EMCN: variants seen among roughly 807,000 people sequenced by gnomAD.
EMCN encodes endomucin.
In EMCN, 37 loss-of-function variants were observed where a neutral mutation model predicts 38.4. The ratio of observed to expected loss-of-function variants is 0.96; its 90% CI spans 0.74 to 1.27. The LOEUF (loss-of-function observed/expected upper bound fraction) is 1.27. EMCN is among the 50% of genes most tolerant of loss of function. EMCN has a pLI of 0.00. For synonymous variants in EMCN, 95 were observed against 100.8 expected (o/e 0.94, Z 0.35); for missense variants, 318 against 302.8 (o/e 1.05, Z -0.37).
At chr4:100,407,841 C>G (rs906956075) in intron 11 of EMCN, among the ~76,000 whole-genome samples, 1 of 152,156 alleles carries the variant, frequency 6.6e-6, no homozygotes, top group Non-Finnish European at 1.5e-5. Context: ...TGCTTTCTTT[C>G]CCTGTCTTTC....
intron 7 of EMCN, among the ~76,000 whole-genome samples, chr4:100,422,438 G>A (rs189419768): frequency 6.6e-6 from 1 of 152,008 alleles, no homozygotes; most frequent in African/African-American, 2.4e-5. Flanking sequence ...AATTACTAAG[G>A]AAGTTATTTA....
At chr4:100,432,469 C>T (rs1202677490) in intron 5 of EMCN, among the ~76,000 whole-genome samples, 1 of 152,030 alleles carries the variant, frequency 6.6e-6, no homozygotes, top group Non-Finnish European at 1.5e-5. Context: ...TGGCAGGTTC[C>T]ATGTATCATT....
intron 1 of EMCN, among the ~76,000 whole-genome samples, chr4:100,501,797 C>T (rs1179947394): frequency 6.6e-6 from 1 of 150,670 alleles, no homozygotes; most frequent in African/African-American, 2.4e-5. Context: ...AATAGAAATA[C>T]AATTGATTTC....
intron 4 of EMCN, among the ~76,000 whole-genome samples, chr4:100,453,812 C>G (rs946568493): frequency 2.6e-5 from 4 of 152,048 alleles, no homozygotes; most frequent in African/African-American, 9.7e-5. Flanking sequence ...GAAAATGTGG[C>G]ACATATACAC....
chr4:100,502,467 C>A (rs1157732658), intron 1 of EMCN, among the ~76,000 whole-genome samples: 2 of 152,150 alleles, frequency 1.3e-5, no homozygotes, highest in African/African-American at 2.4e-5. Context: ...ACCAAGAAAT[C>A]TTTTATGCTC....
intron 3 of EMCN, among the ~76,000 whole-genome samples, chr4:100,467,067 C>A (rs905157192): frequency 2.0e-5 from 3 of 151,978 alleles, no homozygotes; most frequent in African/African-American, 4.8e-5. Flanking sequence ...AATGGAATAG[C>A]TGGGAATGCA....
intron 4 of EMCN, among the ~76,000 whole-genome samples, chr4:100,456,351 TC>T (rs1422982964): frequency 1.3e-5 from 2 of 152,204 alleles, no homozygotes; most frequent in Non-Finnish European, 2.9e-5. Context: ...TTTATTGTTT[TC>T]TTCCTTCAAC....
At chr4:100,462,435 T>C (rs1728205842) in intron 4 of EMCN, among the ~76,000 whole-genome samples, 1 of 152,158 alleles carries the variant, frequency 6.6e-6, no homozygotes, top group Non-Finnish European at 1.5e-5. Flanking sequence ...TTCTGAAATG[T>C]ATGTAATAGG....
chr4:100,492,823 G>A (rs1042573901), intron 1 of EMCN, among the ~76,000 whole-genome samples: 1 of 152,150 alleles, frequency 6.6e-6, no homozygotes, highest in Non-Finnish European at 1.5e-5. Flanking sequence ...AAGGGGTGGT[G>A]TAGTGTAGGG....
At chr4:100,430,546 G>A (rs942339340) in intron 5 of EMCN, among the ~76,000 whole-genome samples, 6 of 152,132 alleles carry the variant, frequency 3.9e-5, no homozygotes, top group South Asian at 4.1e-4. Flanking sequence ...AAAGCGTGTC[G>A]TAGAGTTCAT....
At chr4:100,459,997 C>A (rs1578208405) in intron 4 of EMCN, among the ~76,000 whole-genome samples, 1 of 152,226 alleles carries the variant, frequency 6.6e-6, no homozygotes, top group African/African-American at 2.4e-5. Flanking sequence ...GGGGGAATAT[C>A]CATACAGTTT....
In EMCN at chr4:100,421,167, A is replaced by G. The variant is rs915687262; in HGVS notation, c.664+115T>C. 4.3e-6 allele frequency: 4 copies of G among 934,040 alleles called. No homozygotes were observed. The African/African-American group carries it at 6.6e-5, about 16-fold the overall frequency. The allele number at this position is 934,040 out of a possible 1,614,324, so 57.9% of individuals were successfully genotyped here. On this transcript the variant is annotated intron_variant, in intron 8 of 11. Coordinates refer to ENST00000296420, the MANE Select transcript of EMCN (RefSeq NM_016242.4). ...CGTCCTTTGTTTCTGTGATCAGGAA[A>G]TATGACATTTCATTTCTTTCTATAA... is the stretch of plus-strand genomic sequence containing the variant.
In EMCN at chr4:100,396,339, A is replaced by G. The variant is rs1726118007; in HGVS notation, c.*2074T>C. On this transcript the variant is annotated 3_prime_UTR_variant, in exon 12 of 12. Coordinates refer to ENST00000296420, the MANE Select transcript of EMCN (RefSeq NM_016242.4). ...ACCATTAAAATTGTTCCCTCTTCCT[A>G]ATTCTTGTAAACTCTTTTCTAACCA... The G allele has an allele frequency of 6.6e-6, 1 of 152,022 alleles. No individual in the cohort carries two copies. Among genetic ancestry groups the G allele is most frequent in the Admixed American group, 6.6e-5 (1 of 15,236 alleles). 9.4% of individuals were successfully genotyped at this position (152,022 alleles called of 1,614,324 possible). A position where few individuals can be genotyped will look rare whatever the true frequency, so the allele number is the denominator to read the frequency against.
intron 4 of EMCN, among the ~76,000 whole-genome samples, chr4:100,452,660 C>T (rs1322400841): frequency 6.6e-6 from 1 of 152,040 alleles, no homozygotes; most frequent in Non-Finnish European, 1.5e-5. Flanking sequence ...ACTAAGTTAC[C>T]AGCAAGAAAT....
chr4:100,466,575 A>G (rs1728322423), intron 3 of EMCN, among the ~76,000 whole-genome samples: 1 of 152,250 alleles, frequency 6.6e-6, no homozygotes. Flanking sequence ...AACAAATTCA[A>G]ATGTAGTCTA....
At chr4:100,460,149 T>A (rs916116741) in intron 4 of EMCN, among the ~76,000 whole-genome samples, 2 of 152,168 alleles carry the variant, frequency 1.3e-5, no homozygotes, top group African/African-American at 2.4e-5. Context: ...CTCATAGTGG[T>A]TTTAATTTGC....
At chr4:100,494,222 A>G (rs534754199) in intron 1 of EMCN, among the ~76,000 whole-genome samples, 4 of 152,322 alleles carry the variant, frequency 2.6e-5, no homozygotes, top group Non-Finnish European at 5.9e-5. Context: ...ATTTTGAGCT[A>G]TGTCATTAAG....
intron 11 of EMCN, 66 bp downstream of exon 11, chr4:100,410,215 TA>T: frequency 9.2e-7 from 1 of 1,085,764 alleles, no homozygotes; most frequent in Non-Finnish European, 1.4e-6. Context: ...AAAAACAATC[TA>T]AGCTGCACCA....
At chr4:100,480,101 A>G in intron 1 of EMCN, 62 bp from the exon 2 acceptor site, 1 of 1,435,594 alleles carries the variant, frequency 7.0e-7, no homozygotes, top group South Asian at 1.2e-5. Context: ...ATAGACTAGT[A>G]TATTTAAACA....
Sources: allele counts gnomAD v4.1 joint callset (sites outside exome capture counted in the v4.1 genomes callset), GRCh38; gene constraint gnomAD v4.1.1; transcripts MANE v1.5; gene names NCBI Gene and HGNC (gene_info 2026-07-23, HGNC 2026-07-21).